TAFA1: variants seen among roughly 807,000 people sequenced by gnomAD.
TAFA1 encodes chemokine-like protein TAFA-1.
Under a neutral mutation model 18.5 loss-of-function variants are expected in TAFA1, and 4 were observed. That is an observed-to-expected ratio of 0.22 (90% CI 0.11 to 0.49). TAFA1 has a LOEUF of 0.49. Ranked by LOEUF, TAFA1 falls within the 20% of genes least tolerant of loss-of-function variation. The pLI is 0.98. For synonymous variants in TAFA1, 56 were observed against 55.2 expected, an observed-to-expected ratio of 1.01 and a Z score of -0.06; for missense variants, 147 against 169.0, an observed-to-expected ratio of 0.87 and a Z score of 0.72.
intron 3 of TAFA1, among the ~76,000 whole-genome samples, chr3:68,490,549 T>C (rs2072431820): frequency 1.3e-5 from 2 of 152,286 alleles, no homozygotes; most frequent in Admixed American, 1.3e-4. Flanking sequence ...TCATAAAAGT[T>C]TGGATACAGA....
At chr3:68,008,530 G>T (rs1704408799) in intron 2 of TAFA1, among the ~76,000 whole-genome samples, 1 of 152,138 alleles carries the variant, frequency 6.6e-6, no homozygotes, top group South Asian at 2.1e-4. Context: ...GGAAACAGAA[G>T]CTCTGAAAGG....
At chr3:68,108,641 A>C (rs2065230972) in intron 2 of TAFA1, among the ~76,000 whole-genome samples, 1 of 152,110 alleles carries the variant, frequency 6.6e-6, no homozygotes, top group South Asian at 2.1e-4. Context: ...AGACAGCATA[A>C]AGCTTGACAA....
intron 2 of TAFA1, among the ~76,000 whole-genome samples, chr3:68,341,586 T>C (rs2106754162): frequency 6.6e-6 from 1 of 152,318 alleles, no homozygotes; most frequent in Non-Finnish European, 1.5e-5. Flanking sequence ...GGGTGTTTTT[T>C]TCTGGGGGGA....
intron 2 of TAFA1, among the ~76,000 whole-genome samples, chr3:68,083,242 A>G (rs1441016518): frequency 1.3e-5 from 2 of 152,222 alleles, no homozygotes; most frequent in Non-Finnish European, 2.9e-5. Flanking sequence ...AAATTAATTG[A>G]GGCTATCATC....
intron 3 of TAFA1, among the ~76,000 whole-genome samples, chr3:68,518,885 T>G (rs1283742613): frequency 1.3e-5 from 2 of 152,232 alleles, no homozygotes; most frequent in Admixed American, 6.5e-5. Flanking sequence ...TTCAGAGTAA[T>G]TTTTATTTGT....
chr3:68,438,611 C>T (rs556254014), intron 3 of TAFA1, among the ~76,000 whole-genome samples: 15 of 152,186 alleles, frequency 9.9e-5, no homozygotes, highest in South Asian at 2.1e-4. Flanking sequence ...GCACCTTCAA[C>T]GCACCTTTCC....
At chr3:68,074,705 T>C (rs953125430) in intron 2 of TAFA1, among the ~76,000 whole-genome samples, 5 of 152,226 alleles carry the variant, frequency 3.3e-5, no homozygotes, top group African/African-American at 9.6e-5. Context: ...GTCTATTTTA[T>C]GGCAGAGCTG....
At chr3:68,475,914 T>C (rs971340547) in intron 3 of TAFA1, among the ~76,000 whole-genome samples, 7 of 152,256 alleles carry the variant, frequency 4.6e-5, no homozygotes, top group Non-Finnish European at 1.0e-4. Context: ...TGGCCAGTGA[T>C]GAGGAGCATT....
In TAFA1 at chr3:68,544,621, A is replaced by G; in HGVS notation, c.*118A>G. On this transcript the variant is annotated 3_prime_UTR_variant, in exon 5 of 5. Transcript: ENST00000478136. ...TTTCTTACTTGCACTTTGACTGGCT[A>G]CCAGATAATCACAGTGCGTTTACTG... is the stretch of plus-strand genomic sequence containing the variant. 9.7e-7 allele frequency: 1 copy of G among 1,032,882 alleles called. No individual in the cohort carries two copies. Among genetic ancestry groups the G allele is most frequent in the Non-Finnish European group, 1.5e-6 (1 of 674,862 alleles). The allele number at this position is 1,032,882 out of a possible 1,614,324, so 64.0% of individuals were successfully genotyped here. A position where few individuals can be genotyped will look rare whatever the true frequency, so the allele number is the denominator to read the frequency against.
At chr3:68,386,895 G>C (rs1218884161) in intron 2 of TAFA1, among the ~76,000 whole-genome samples, 5 of 152,006 alleles carry the variant, frequency 3.3e-5, no homozygotes, top group African/African-American at 1.2e-4. Context: ...TTTCCCATGA[G>C]ATCAATTTGC....
At chr3:68,113,940 C>T (rs140751133) in intron 2 of TAFA1, among the ~76,000 whole-genome samples, 89 of 145,196 alleles carry the variant, frequency 6.1e-4, no homozygotes, top group African/African-American at 2.1e-3. Flanking sequence ...AGTCTCACTC[C>T]GCCAACCAGG....
At chr3:68,357,500 C>T (rs1243134116) in intron 2 of TAFA1, among the ~76,000 whole-genome samples, 1 of 151,878 alleles carries the variant, frequency 6.6e-6, no homozygotes, top group Non-Finnish European at 1.5e-5. Flanking sequence ...CCTTAAGAAG[C>T]TAGGGTAATA....
intron 2 of TAFA1, among the ~76,000 whole-genome samples, chr3:68,284,488 A>T (rs1477741101): frequency 6.6e-6 from 1 of 152,226 alleles, no homozygotes; most frequent in Non-Finnish European, 1.5e-5. Flanking sequence ...TTCACTAAAC[A>T]TGCATCTTCA....
At chr3:68,426,645 A>T (rs1246042938) in intron 3 of TAFA1, among the ~76,000 whole-genome samples, 1 of 151,894 alleles carries the variant, frequency 6.6e-6, no homozygotes, top group East Asian at 1.9e-4. Flanking sequence ...TTACATTTAA[A>T]TCATACTCGG....
intron 3 of TAFA1, among the ~76,000 whole-genome samples, chr3:68,418,625 G>A (rs1257836548): frequency 7.1e-5 from 1 of 14,080 alleles, no homozygotes. Flanking sequence ...GCTTGGCTTG[G>A]GCTCGGGCTC....
intron 2 of TAFA1, among the ~76,000 whole-genome samples, chr3:68,022,301 GTCA>G (rs1704707296): frequency 6.6e-6 from 1 of 152,174 alleles, no homozygotes; most frequent in Non-Finnish European, 1.5e-5. Flanking sequence ...CAAGAAAGTT[GTCA>G]TCATAATAGA....
At chr3:68,506,915 T>C (rs768435600) in intron 3 of TAFA1, among the ~76,000 whole-genome samples, 1 of 152,050 alleles carries the variant, frequency 6.6e-6, no homozygotes, top group Non-Finnish European at 1.5e-5. Context: ...TAGAATATTC[T>C]ACATTATTTT....
At chr3:68,342,153 G>A (rs1247859747) in intron 2 of TAFA1, among the ~76,000 whole-genome samples, 1 of 152,144 alleles carries the variant, frequency 6.6e-6, no homozygotes, top group Non-Finnish European at 1.5e-5. Context: ...GCAAAAATAA[G>A]ATAAAGGGAA....
At chr3:68,089,682 C>T (rs766837315) in intron 2 of TAFA1, among the ~76,000 whole-genome samples, 12 of 152,128 alleles carry the variant, frequency 7.9e-5, no homozygotes, top group Non-Finnish European at 1.3e-4. Context: ...GAAATGTGGT[C>T]CTGACCCCTC....
Sources: gnomAD v4.1 joint callset for allele counts (sites outside exome capture counted in the v4.1 genomes callset) on GRCh38, gnomAD v4.1.1 for gene constraint, MANE v1.5 for transcripts, NCBI Gene and HGNC (gene_info 2026-07-23, HGNC 2026-07-21) for gene names.